The following SLC16A1 variants were observed in gnomAD, a reference collection of about 807,000 sequenced individuals.
SLC16A1 encodes monocarboxylate transporter 1.
A neutral mutation model predicts 32.2 loss-of-function variants in SLC16A1; 11 were observed. That is an observed-to-expected ratio of 0.34 (90% confidence interval 0.21 to 0.56). SLC16A1 has a LOEUF of 0.56. Ranked by LOEUF, SLC16A1 falls within the 20% of genes least tolerant of loss-of-function variation. The pLI, the probability that SLC16A1 is intolerant of heterozygous loss-of-function variation, is 0.87. For synonymous variants in SLC16A1, 231 were observed against 226.8 expected, an observed-to-expected ratio of 1.02 and a Z score of -0.17; for missense variants, 435 against 615.0, an observed-to-expected ratio of 0.71 and a Z score of 3.10.
intron 1 of SLC16A1, among the ~76,000 whole-genome samples, chr1:112,943,066 GACTT>G (rs1289606190): frequency 2.0e-5 from 3 of 152,128 alleles, no homozygotes; most frequent in Non-Finnish European, 2.9e-5. Context: ...GTAAGAAAAT[GACTT>G]ACATCATTTG....
chr1:112,948,768 G>C (rs1649788626), intron 1 of SLC16A1, among the ~76,000 whole-genome samples: 1 of 152,014 alleles, frequency 6.6e-6, no homozygotes, highest in Admixed American at 6.5e-5. Context: ...CTCCCAAAGT[G>C]CTGGGATTAT....
chr1:112,943,506 G>T (rs1296392443), intron 1 of SLC16A1, among the ~76,000 whole-genome samples: 1 of 152,064 alleles, frequency 6.6e-6, no homozygotes, highest in Non-Finnish European at 1.5e-5. Flanking sequence ...ATTGCAAACC[G>T]GCTGGGCGCA....
intron 1 of SLC16A1, among the ~76,000 whole-genome samples, chr1:112,943,476 G>A (rs989802856): frequency 6.6e-6 from 1 of 152,156 alleles, no homozygotes; most frequent in Non-Finnish European, 1.5e-5. Flanking sequence ...AAACTTCATC[G>A]TATTGTTTTT....
At chr1:112,932,619 T>A (rs1319189148) in intron 1 of SLC16A1, among the ~76,000 whole-genome samples, 1 of 151,734 alleles carries the variant, frequency 6.6e-6, no homozygotes, top group African/African-American at 2.4e-5. Context: ...CTGGCCAACA[T>A]GGTGAAACCC....
At chr1:112,920,147 C>T (rs1214737972) in intron 3 of SLC16A1, among the ~76,000 whole-genome samples, 4 of 152,148 alleles carry the variant, frequency 2.6e-5, no homozygotes, top group African/African-American at 7.2e-5. Context: ...TCTTTTTTCT[C>T]ATCTTATGTC....
intron 1 of SLC16A1, among the ~76,000 whole-genome samples, chr1:112,942,066 G>A (rs1649531588): frequency 6.6e-6 from 1 of 152,028 alleles, no homozygotes; most frequent in African/African-American, 2.4e-5. Context: ...CCACCTTCTG[G>A]GTTCAAGCAA....
chr1:112,923,440 G>A (rs988491715), intron 2 of SLC16A1: 55 of 696,908 alleles, frequency 7.9e-5, no homozygotes, highest in Admixed American at 3.1e-4. Flanking sequence ...GGCCCTCCAC[G>A]GTGTTGGGTG....
At chr1:112,932,397 G>A (rs1010858199) in intron 1 of SLC16A1, among the ~76,000 whole-genome samples, 6 of 152,080 alleles carry the variant, frequency 3.9e-5, no homozygotes, top group African/African-American at 1.4e-4. Flanking sequence ...ATTGGGTGTG[G>A]TGGTACACAT....
At chr1:112,933,103 C>A (rs944543552) in intron 1 of SLC16A1, among the ~76,000 whole-genome samples, 1 of 151,998 alleles carries the variant, frequency 6.6e-6, no homozygotes, top group Non-Finnish European at 1.5e-5. Flanking sequence ...AAATAGATAA[C>A]CTATCCTCTC....
chr1:112,920,566 A>G (rs1342466020), intron 3 of SLC16A1, among the ~76,000 whole-genome samples: 1 of 152,212 alleles, frequency 6.6e-6, no homozygotes, highest in Non-Finnish European at 1.5e-5. Flanking sequence ...AGATCATGCC[A>G]TAGCAGTCTA....
At chr1:112,918,967 C>T (rs1446239956) in intron 3 of SLC16A1, among the ~76,000 whole-genome samples, 2 of 151,902 alleles carry the variant, frequency 1.3e-5, no homozygotes, top group East Asian at 3.8e-4. Context: ...TAAAACACAA[C>T]ATTGCTAAGA....
rs139144297 is a variant in SLC16A1 at position 112,923,481 on chromosome 1, G to A, written c.218-1348C>T. The A allele has an allele frequency of 7.9e-4, 654 of 823,898 alleles. 7 individuals are homozygous for A. In the African/African-American group the frequency reaches 9.6e-3, roughly 12 times the overall value. The allele number at this position is 823,898 out of a possible 1,614,324, so 51.0% of individuals were successfully genotyped here. ...GAGATGGGGCGCCGTAGTCACCCGC[G>A]CCTTCCTGGAGCACGGCCACACCAA... On this transcript the variant is annotated intron_variant, in intron 2 of 4. Coordinates refer to ENST00000369626, the MANE Select transcript of SLC16A1 (RefSeq NM_003051.4).
intron 1 of SLC16A1, among the ~76,000 whole-genome samples, chr1:112,948,229 C>T (rs573928806): frequency 4.0e-5 from 6 of 148,944 alleles, no homozygotes; most frequent in African/African-American, 7.5e-5. Context: ...CCGGGGGCGG[C>T]GGGGGAGAAA....
chr1:112,926,739 T>C (rs962164940), intron 2 of SLC16A1, among the ~76,000 whole-genome samples: 4 of 151,844 alleles, frequency 2.6e-5, no homozygotes, highest in Non-Finnish European at 5.9e-5. Context: ...CCGAGTGTGG[T>C]GGTGCAAGCC....
In SLC16A1 at chr1:112,913,602, A is replaced by T. The variant is rs1034423079; in HGVS notation, c.*289T>A. The T allele has an allele frequency of 2.4e-6, 1 of 410,748 alleles. No individual in the cohort carries two copies. The allele number at this position is 410,748 out of a possible 1,614,324, so 25.4% of individuals were successfully genotyped here. On this transcript the variant is annotated 3_prime_UTR_variant, in exon 5 of 5. Coordinates refer to ENST00000369626, the MANE Select transcript of SLC16A1 (RefSeq NM_003051.4). Reference sequence around the variant, plus strand: ...GGCTCTCTAGAGTTCTAAAGACTAAAACTTAAGGCACATATTATAATCTTT... The same window carrying T: ...GGCTCTCTAGAGTTCTAAAGACTAATACTTAAGGCACATATTATAATCTTT...
In SLC16A1 at chr1:112,917,381, A is replaced by G; in HGVS notation, c.1025T>C (p.Val342Ala). The change falls in exon 4 of 5, where the codon GTG becomes GCG. Residue 342 changes from valine to alanine, a missense_variant. Val to Ala is a moderately conservative substitution (Grantham distance 64). This residue lies in a region of SLC16A1 where 324 missense variants were observed against 500.3 expected (regional missense o/e 0.65). Transcript: ENST00000369626. The surrounding 1 kb of genome is among the most constrained non-coding windows in gnomAD (Gnocchi z 4.1). ...FFAASVVANG[V>A]CHMLAPLSTT... ...GGATAAAGGTGCTAGCATATGACAC[A>G]CTCCATTTGCAACAACGGAAGCCGC... 2 of 1,614,030 alleles carry G rather than the reference A, an allele frequency of 1.2e-6. No homozygotes were observed. The highest frequency in any genetic ancestry group is 1.7e-6 in the Non-Finnish European group (2 of 1,180,008).
chr1:112,946,800 A>C (rs953610769), intron 1 of SLC16A1, among the ~76,000 whole-genome samples: 3 of 152,184 alleles, frequency 2.0e-5, no homozygotes, highest in Admixed American at 2.0e-4. Context: ...TGATCCACCC[A>C]ACTCAGCCTC....
chr1:112,948,166 A>C (rs929132475), intron 1 of SLC16A1, among the ~76,000 whole-genome samples: 1 of 152,116 alleles, frequency 6.6e-6, no homozygotes, highest in Admixed American at 6.5e-5. Flanking sequence ...GTTGCAAGTG[A>C]GCCAACATCA....
chr1:112,930,322 T>C (rs1242919441), intron 1 of SLC16A1, among the ~76,000 whole-genome samples: 3 of 152,108 alleles, frequency 2.0e-5, no homozygotes, highest in Non-Finnish European at 4.4e-5. Flanking sequence ...GCTTGGTATA[T>C]GTGGGGGAAA....
Sources: gnomAD v4.1 joint callset for allele counts (sites outside exome capture counted in the v4.1 genomes callset) on GRCh38, gnomAD v4.1.1 for gene constraint, gnomAD v4.1.1 regional missense constraint, Gnocchi (gnomAD v3.1) non-coding constraint, MANE v1.5 for transcripts, NCBI Gene and HGNC (gene_info 2026-07-23, HGNC 2026-07-21) for gene names.